The following ACTR3C variants were observed in gnomAD, a reference collection of about 807,000 sequenced individuals.
The protein encoded by ACTR3C is actin related protein 3C, also known as actin-related protein 3C.
In ACTR3C, 18 loss-of-function variants were observed where a neutral mutation model predicts 26.3. The ratio of observed to expected loss-of-function variants is 0.68; its 90% CI spans 0.47 to 1.01. ACTR3C has a LOEUF of 1.01. Among genes scored for constraint, ACTR3C ranks in the 50% least tolerant of loss-of-function variants. ACTR3C has a pLI of 0.00. For missense variants in ACTR3C, 184 were observed against 250.7 expected, an observed-to-expected ratio of 0.73 and a Z score of 1.80; for synonymous variants, 55 against 94.5, an observed-to-expected ratio of 0.58 and a Z score of 2.42.
At chr7:150,003,354 ATGTGGTG>A in the ACTR3C span, among the ~76,000 whole-genome samples, 649 of 150,696 alleles carry the variant, frequency 4.3e-3, no homozygotes, top group African/African-American at 0.015. Context: ...AATGTGTGGT[ATGTGGTG>A]TGTGCTGTGT....
the ACTR3C span, among the ~76,000 whole-genome samples, chr7:150,211,201 A>T: frequency 6.7e-6 from 1 of 149,198 alleles, no homozygotes; most frequent in Non-Finnish European, 1.5e-5. Context: ...TCCATTAAGT[A>T]TGTTTTACTA....
At chr7:150,003,646 G>A in the ACTR3C span, among the ~76,000 whole-genome samples, 1 of 152,136 alleles carries the variant, frequency 6.6e-6, no homozygotes, top group Non-Finnish European at 1.5e-5. Context: ...TAATGCGTGT[G>A]GGGTTTGGAG....
the ACTR3C span, among the ~76,000 whole-genome samples, chr7:150,201,694 G>A: frequency 6.6e-6 from 1 of 151,374 alleles, no homozygotes; most frequent in East Asian, 1.9e-4. Context: ...GGAGACAGAG[G>A]TTGCAGTGAG....
the ACTR3C span, among the ~76,000 whole-genome samples, chr7:149,952,705 G>A: frequency 1.3e-5 from 2 of 150,456 alleles, no homozygotes; most frequent in Non-Finnish European, 2.9e-5. Flanking sequence ...AGAGAAAAAG[G>A]TCAATAAACA....
chr7:150,044,129 A>G, the ACTR3C span, among the ~76,000 whole-genome samples: 411 of 152,270 alleles, frequency 2.7e-3, 2 homozygotes, highest in African/African-American at 9.6e-3. Context: ...CACACTGTAT[A>G]ACCTTAAAAA....
the ACTR3C span, among the ~76,000 whole-genome samples, chr7:150,159,076 C>T: frequency 2.0e-5 from 3 of 152,074 alleles, no homozygotes; most frequent in African/African-American, 7.2e-5. Context: ...ATGGGTATGT[C>T]CCTTAGCTTG....
the ACTR3C span, among the ~76,000 whole-genome samples, chr7:150,174,598 G>A: frequency 2.2e-5 from 3 of 133,904 alleles, no homozygotes. Context: ...ACAACTTTAA[G>A]AACAAGTCTG....
the ACTR3C span, among the ~76,000 whole-genome samples, chr7:149,940,683 G>A: frequency 1.4e-5 from 2 of 145,080 alleles, no homozygotes; most frequent in Admixed American, 7.1e-5. Context: ...ATACCATGCC[G>A]GCCTGCAAAA....
At chr7:150,007,051 G>A in the ACTR3C span, among the ~76,000 whole-genome samples, 50,501 of 151,912 alleles carry the variant, frequency 0.33, 9,147 homozygotes, top group Non-Finnish European at 0.41. Context: ...TTTGCAGGTC[G>A]GGGGATAGCA....
At chr7:150,270,683 T>C (rs1412652008) in intron 6 of ACTR3C, among the ~76,000 whole-genome samples, 1 of 152,020 alleles carries the variant, frequency 6.6e-6, no homozygotes, top group Non-Finnish European at 1.5e-5. Context: ...TCCCTTCCTG[T>C]GACACAGAAT....
At chr7:149,972,675 T>G in the ACTR3C span, among the ~76,000 whole-genome samples, 2 of 152,254 alleles carry the variant, frequency 1.3e-5, no homozygotes, top group East Asian at 1.9e-4. Context: ...AAAGATCATT[T>G]TCTCCCAGCT....
chr7:150,269,459 C>A lies in ACTR3C; in HGVS notation c.564+15294G>T, dbSNP rs549724167. Among the ~76,000 whole-genome samples, 390 of 150,002 alleles carry A rather than the reference C, an allele frequency of 2.6e-3. 3 individuals carry two copies. Among genetic ancestry groups the A allele is most frequent in the African/African-American group, 9.5e-3 (377 of 39,866 alleles). On this transcript the variant is annotated intron_variant, in intron 6 of 7. Coordinates refer to ENST00000683684, the MANE Select transcript of ACTR3C (RefSeq NM_001164458.2). Reference sequence around the variant, plus strand: ...ACGCCCTCATCTGTGAAGACATCACCAGGCCGCTCGCAGGTCTGAGGGGAA... The same window carrying A: ...ACGCCCTCATCTGTGAAGACATCACAAGGCCGCTCGCAGGTCTGAGGGGAA...
chr7:150,225,191 T>C, the ACTR3C span, among the ~76,000 whole-genome samples: 2 of 152,216 alleles, frequency 1.3e-5, no homozygotes, highest in Non-Finnish European at 1.5e-5. Flanking sequence ...TATTAGAAAC[T>C]AATATCTGGG....
At chr7:150,247,116 C>T (rs1464035443), downstream of ACTR3C, 21 of 152,288 alleles carry the variant, frequency 1.4e-4, no homozygotes, top group Admixed American at 1.0e-3. Flanking sequence ...TGCTAATAAC[C>T]TATAGGGTTG....
chr7:150,041,546 G>C, the ACTR3C span: 1 of 209,728 alleles, frequency 4.8e-6, no homozygotes, highest in African/African-American at 2.6e-5. Flanking sequence ...CCCGCCTCGC[G>C]GGGGGTGCCT....
At chr7:150,041,890 G>GC in the ACTR3C span, among the ~76,000 whole-genome samples, 1 of 137,706 alleles carries the variant, frequency 7.3e-6, no homozygotes, top group Admixed American at 7.3e-5. Flanking sequence ...TCCCCCTCCT[G>GC]CGATGGGGGT....
At chr7:150,260,246 A>T (rs1238366343) in intron 6 of ACTR3C, among the ~76,000 whole-genome samples, 1 of 152,198 alleles carries the variant, frequency 6.6e-6, no homozygotes, top group Non-Finnish European at 1.5e-5. Flanking sequence ...CATGTAGTAT[A>T]TGCTTAATAA....
the ACTR3C span, among the ~76,000 whole-genome samples, chr7:149,979,287 G>A: frequency 6.6e-6 from 1 of 152,190 alleles, no homozygotes; most frequent in Admixed American, 6.5e-5. Context: ...ATAAAGCTCT[G>A]CAAAAGATAG....
At chr7:149,886,650 T>C in the ACTR3C span, among the ~76,000 whole-genome samples, 1 of 151,976 alleles carries the variant, frequency 6.6e-6, no homozygotes, top group African/African-American at 2.4e-5. Context: ...AAATTTACAA[T>C]CAGGAATTAA....
Sources: allele counts gnomAD v4.1 joint callset (sites outside exome capture counted in the v4.1 genomes callset), GRCh38; gene constraint gnomAD v4.1.1; transcripts MANE v1.5; gene names NCBI Gene and HGNC (gene_info 2026-07-23, HGNC 2026-07-21).